The following OR51B5 variants were observed in gnomAD, a reference collection of about 807,000 sequenced individuals.
OR51B5 encodes olfactory receptor family 51 subfamily B member 5.
For synonymous variants in OR51B5, 186 were observed against 144.8 expected (o/e 1.28, Z -2.04); for missense variants, 456 against 374.6 (o/e 1.22, Z -1.79).
chr11:5,448,569 A>G (rs753896535), intron 1 of OR51B5, among the ~76,000 whole-genome samples: 2 of 152,232 alleles, frequency 1.3e-5, no homozygotes, highest in Non-Finnish European at 2.9e-5. Flanking sequence ...GAATAATGAT[A>G]TATTAGCTTA....
At chr11:5,405,140 T>C (rs1288674550) in intron 1 of OR51B5, among the ~76,000 whole-genome samples, 6 of 152,202 alleles carry the variant, frequency 3.9e-5, no homozygotes, top group Non-Finnish European at 1.5e-5. Flanking sequence ...ACTTACATTT[T>C]CAGGGAAAGA....
intron 1 of OR51B5, among the ~76,000 whole-genome samples, chr11:5,401,685 G>A (rs1849968874): frequency 6.6e-6 from 1 of 151,870 alleles, no homozygotes; most frequent in African/African-American, 2.4e-5. Flanking sequence ...CTTATTTTGG[G>A]ATTGCTTACA....
intron 1 of OR51B5, among the ~76,000 whole-genome samples, chr11:5,435,309 T>A (rs1850577869): frequency 6.6e-6 from 1 of 152,230 alleles, no homozygotes; most frequent in East Asian, 1.9e-4. Context: ...TTCTCTACAT[T>A]ATAGATAATG....
chr11:5,459,878 G>GCCAAA (rs1851020879), intron 1 of OR51B5, among the ~76,000 whole-genome samples: 1 of 152,064 alleles, frequency 6.6e-6, no homozygotes, highest in Non-Finnish European at 1.5e-5. Context: ...TCCTACTACT[G>GCCAAA]GGTATATACC....
chr11:5,375,301 C>G (rs1042569326), intron 1 of OR51B5, among the ~76,000 whole-genome samples: 1 of 151,476 alleles, frequency 6.6e-6, no homozygotes, highest in Admixed American at 6.6e-5. Context: ...TTTGTCATCA[C>G]CAGGCCTGAC....
intron 1 of OR51B5, chr11:5,389,983 AG>A (rs1849768448): frequency 6.2e-7 from 1 of 1,612,548 alleles, no homozygotes; most frequent in Non-Finnish European, 8.5e-7. Flanking sequence ...TGCACCAGGA[AG>A]TGATACAGCT....
At chr11:5,357,694 T>G (rs1849216782) in intron 1 of OR51B5, among the ~76,000 whole-genome samples, 1 of 150,706 alleles carries the variant, frequency 6.6e-6, no homozygotes, top group African/African-American at 2.4e-5. Flanking sequence ...ATACATTCTT[T>G]TCAGCACCAC....
At chr11:5,390,642 A>G in intron 1 of OR51B5, 1 of 407,678 alleles carries the variant, frequency 2.5e-6, no homozygotes, top group Admixed American at 4.0e-5. Flanking sequence ...GAAGGTCATC[A>G]TCAATGTAAC....
At chr11:5,426,503 C>G (rs2647567) in intron 1 of OR51B5, among the ~76,000 whole-genome samples, 1 of 151,842 alleles carries the variant, frequency 6.6e-6, no homozygotes. Flanking sequence ...AGTTGCTGAC[C>G]TAAGTAACTT....
chr11:5,463,943 T>G (rs7122858), intron 1 of OR51B5, among the ~76,000 whole-genome samples: 2 of 152,208 alleles, frequency 1.3e-5, no homozygotes, highest in African/African-American at 4.8e-5. Context: ...CTGGTGGACG[T>G]GTTAATGTTC....
At chr11:5,500,363 A>G (rs2133820128) in intron 1 of OR51B5, among the ~76,000 whole-genome samples, 1 of 152,346 alleles carries the variant, frequency 6.6e-6, no homozygotes, top group Non-Finnish European at 1.5e-5. Flanking sequence ...ATTTTCAGTT[A>G]AACTTACTGG....
At chr11:5,436,273 G>T (rs990268178) in intron 1 of OR51B5, among the ~76,000 whole-genome samples, 1 of 152,188 alleles carries the variant, frequency 6.6e-6, no homozygotes. Context: ...GTTCATGTAA[G>T]AAACACTTTT....
intron 1 of OR51B5, among the ~76,000 whole-genome samples, chr11:5,417,525 T>C (rs1159328129): frequency 1.3e-5 from 2 of 149,074 alleles, no homozygotes; most frequent in African/African-American, 4.9e-5. Context: ...CACAACCTAC[T>C]CATCTGACAA....
chr11:5,444,514 T>C (rs1850734727), intron 1 of OR51B5, among the ~76,000 whole-genome samples: 2 of 152,156 alleles, frequency 1.3e-5, no homozygotes, highest in South Asian at 4.1e-4. Context: ...GATATAAGGG[T>C]TAAAGGCTGC....
At chr11:5,427,563 A>T (rs764989639) in intron 1 of OR51B5, among the ~76,000 whole-genome samples, 2 of 151,990 alleles carry the variant, frequency 1.3e-5, no homozygotes, top group African/African-American at 4.8e-5. Context: ...ATGCTGACAT[A>T]TTTTTTTTGC....
intron 1 of OR51B5, among the ~76,000 whole-genome samples, chr11:5,365,558 T>C (rs10500637): frequency 0.021 from 3,221 of 152,286 alleles, 110 homozygotes; most frequent in African/African-American, 0.071. Flanking sequence ...ACAAAGCATA[T>C]TGATACACAA....
intron 1 of OR51B5, among the ~76,000 whole-genome samples, chr11:5,368,691 A>G (rs1168150736): frequency 6.6e-6 from 1 of 152,206 alleles, no homozygotes; most frequent in Non-Finnish European, 1.5e-5. Flanking sequence ...TTTCAGTTTT[A>G]TCTGTCAAGA....
chr11:5,473,456 TCAAA>T (rs1851259508), intron 1 of OR51B5, among the ~76,000 whole-genome samples: 1 of 152,196 alleles, frequency 6.6e-6, no homozygotes, highest in Non-Finnish European at 1.5e-5. Flanking sequence ...TGTACAGAGT[TCAAA>T]CAGTGTTAGA....
chr11:5,413,872 CA>C (rs975142253), intron 1 of OR51B5, among the ~76,000 whole-genome samples: 3 of 151,040 alleles, frequency 2.0e-5, no homozygotes, highest in African/African-American at 7.3e-5. Context: ...GGATATTATC[CA>C]GGAGAACTTC....
Sources: allele counts gnomAD v4.1 joint callset (sites outside exome capture counted in the v4.1 genomes callset), GRCh38; gene constraint gnomAD v4.1.1; transcripts MANE v1.5; gene names NCBI Gene and HGNC (gene_info 2026-07-23, HGNC 2026-07-21).